The following CAMK4 variants were observed in gnomAD, a reference collection of about 807,000 sequenced individuals.
CAMK4 encodes calcium/calmodulin dependent protein kinase IV, also known as calcium/calmodulin-dependent protein kinase type IV.
CAMK4 carries 22 observed loss-of-function variants against 44.9 expected under a neutral mutation model. That is an observed-to-expected ratio of 0.49 (90% CI 0.35 to 0.70). The LOEUF is 0.70. Among genes scored for constraint, CAMK4 ranks in the 30% least tolerant of loss-of-function variants. The pLI, the probability that CAMK4 is intolerant of heterozygous loss-of-function variation, is 0.01. For synonymous variants in CAMK4, 218 were observed against 215.4 expected (o/e 1.01, Z -0.11); for missense variants, 498 against 586.8 (o/e 0.85, Z 1.56).
intron 1 of CAMK4, among the ~76,000 whole-genome samples, chr5:111,315,511 G>A (rs1246653502): frequency 6.6e-6 from 1 of 152,190 alleles, no homozygotes; most frequent in African/African-American, 2.4e-5. Context: ...TTTCATTTAC[G>A]TGCCTGGCAC....
chr5:111,376,279 G>A (rs995586397), intron 3 of CAMK4, among the ~76,000 whole-genome samples: 1 of 151,612 alleles, frequency 6.6e-6, no homozygotes, highest in Admixed American at 6.6e-5. Flanking sequence ...ATATAAAACT[G>A]CTTGGATTAG....
intron 2 of CAMK4, among the ~76,000 whole-genome samples, chr5:111,362,942 C>T (rs900963518): frequency 4.6e-5 from 7 of 152,084 alleles, no homozygotes; most frequent in African/African-American, 1.7e-4. Context: ...TCTATCATTT[C>T]ATTCTCTTTT....
At chr5:111,375,008 C>A in intron 3 of CAMK4, 96 bp downstream of exon 3, 1 of 775,012 alleles carries the variant, frequency 1.3e-6, no homozygotes, top group Non-Finnish European at 2.3e-6. Flanking sequence ...AGAAGGGATT[C>A]TCCCACCACT....
At chr5:111,240,457 A>G (rs1748936682) in intron 1 of CAMK4, among the ~76,000 whole-genome samples, 1 of 152,234 alleles carries the variant, frequency 6.6e-6, no homozygotes, top group Non-Finnish European at 1.5e-5. Flanking sequence ...CTCTAACGTG[A>G]TACCTAAGTT....
chr5:111,431,961 T>C (rs569286705), intron 5 of CAMK4, among the ~76,000 whole-genome samples: 1 of 152,048 alleles, frequency 6.6e-6, no homozygotes, highest in Non-Finnish European at 1.5e-5. Context: ...CTCAAAAAAC[T>C]AAAAATTGAG....
At chr5:111,467,452 C>T (rs995104652) in intron 7 of CAMK4, among the ~76,000 whole-genome samples, 13 of 146,216 alleles carry the variant, frequency 8.9e-5, no homozygotes, top group South Asian at 8.8e-4. Flanking sequence ...ATCTATACAT[C>T]TGACAAAAGA....
intron 2 of CAMK4, among the ~76,000 whole-genome samples, chr5:111,356,904 CA>C (rs1042997718): frequency 7.4e-4 from 112 of 152,080 alleles, no homozygotes; most frequent in Non-Finnish European, 1.1e-3. Context: ...AGAAAACAAA[CA>C]CTATAATTCA....
chr5:111,372,096 A>G (rs1344433326), intron 2 of CAMK4, among the ~76,000 whole-genome samples: 1 of 152,188 alleles, frequency 6.6e-6, no homozygotes, highest in Admixed American at 6.6e-5. Flanking sequence ...TTGAATATGA[A>G]ATAAACTGAT....
chr5:111,382,133 C>A (rs1218663047), intron 4 of CAMK4, among the ~76,000 whole-genome samples: 1 of 152,038 alleles, frequency 6.6e-6, no homozygotes, highest in Non-Finnish European at 1.5e-5. Context: ...TCTATATAGC[C>A]CACTCAATAA....
chr5:111,257,152 G>T (rs1374675030), intron 1 of CAMK4, among the ~76,000 whole-genome samples: 1 of 152,060 alleles, frequency 6.6e-6, no homozygotes, highest in Non-Finnish European at 1.5e-5. Flanking sequence ...TTGACAAATG[G>T]GATCTAATTA....
At chr5:111,367,830 A>G (rs938432224) in intron 2 of CAMK4, among the ~76,000 whole-genome samples, 1 of 152,102 alleles carries the variant, frequency 6.6e-6, no homozygotes, top group African/African-American at 2.4e-5. Context: ...GGACTTCTTC[A>G]AGGAGTAGTA....
intron 4 of CAMK4, among the ~76,000 whole-genome samples, 171 bp from the exon 5 acceptor site, chr5:111,394,539 A>G (rs1331984991): frequency 6.6e-6 from 1 of 152,166 alleles, no homozygotes; most frequent in Non-Finnish European, 1.5e-5. Context: ...TCCTAAGTAA[A>G]CTCAAAGATT....
chr5:111,406,559 CTTTA>C (rs1181025058), intron 5 of CAMK4, among the ~76,000 whole-genome samples: 1 of 151,752 alleles, frequency 6.6e-6, no homozygotes, highest in Admixed American at 6.6e-5. Flanking sequence ...TTTTCCTTTG[CTTTA>C]TTTGAGAACT....
At chr5:111,326,415 T>C (rs1462031719) in intron 1 of CAMK4, among the ~76,000 whole-genome samples, 1 of 151,898 alleles carries the variant, frequency 6.6e-6, no homozygotes, top group African/African-American at 2.4e-5. Context: ...AAAATAGAAA[T>C]AACCTTATAT....
chr5:111,228,076 T>A (rs1748284715), intron 1 of CAMK4, among the ~76,000 whole-genome samples: 1 of 152,210 alleles, frequency 6.6e-6, no homozygotes, highest in African/African-American at 2.4e-5. Flanking sequence ...AGATTTCGTC[T>A]GTGCATGCAA....
intron 5 of CAMK4, among the ~76,000 whole-genome samples, chr5:111,399,317 G>C (rs554447526): frequency 6.6e-6 from 1 of 152,104 alleles, no homozygotes; most frequent in Non-Finnish European, 1.5e-5. Context: ...GGTCTCTGCT[G>C]AAGTGTGACT....
At chr5:111,450,306 C>G (rs1754182820) in intron 7 of CAMK4, among the ~76,000 whole-genome samples, 1 of 152,126 alleles carries the variant, frequency 6.6e-6, no homozygotes, top group South Asian at 2.1e-4. Flanking sequence ...TGCACTACAG[C>G]CTGGGCGACA....
intron 5 of CAMK4, among the ~76,000 whole-genome samples, chr5:111,436,108 G>A (rs115992531): frequency 0.032 from 4,812 of 152,074 alleles, 251 homozygotes; most frequent in African/African-American, 0.11. Context: ...GATTGCTACT[G>A]AAAACAAAGA....
At chr5:111,322,619 A>C (rs73786901) in intron 1 of CAMK4, among the ~76,000 whole-genome samples, 1 of 152,078 alleles carries the variant, frequency 6.6e-6, no homozygotes, top group Non-Finnish European at 1.5e-5. Context: ...TAGATATTCA[A>C]ATAAGCAAGA....
Sources: allele counts gnomAD v4.1 joint callset (sites outside exome capture counted in the v4.1 genomes callset), GRCh38; gene constraint gnomAD v4.1.1; transcripts MANE v1.5; gene names NCBI Gene and HGNC (gene_info 2026-07-23, HGNC 2026-07-21).